ARID1B: variants seen among roughly 807,000 people sequenced by gnomAD.
ARID1B encodes AT-rich interaction domain 1B.
In ARID1B, 30 loss-of-function variants were observed where a neutral mutation model predicts 212.3. That is an observed-to-expected ratio of 0.14 (90% CI 0.11 to 0.19). ARID1B has a LOEUF of 0.19. Among genes scored for constraint, ARID1B ranks in the 10% least tolerant of loss-of-function variants. The probability of loss-of-function intolerance (pLI) is 1.00; values close to 1 mark genes in which losing one functional copy is unlikely to be tolerated. For synonymous variants in ARID1B, 1,402 were observed against 1,301.7 expected (o/e 1.08, Z -1.66); for missense variants, 2,891 against 3,204.0 (o/e 0.90, Z 2.36).
chr6:157,131,131 G>A (rs1176334970), intron 6 of ARID1B, among the ~76,000 whole-genome samples: 4 of 152,142 alleles, frequency 2.6e-5, no homozygotes, highest in African/African-American at 9.7e-5. Flanking sequence ...AAGCACCTAT[G>A]TGTCGTACTC....
At chr6:156,786,971 G>A (rs1181213637) in intron 1 of ARID1B, among the ~76,000 whole-genome samples, 1 of 149,968 alleles carries the variant, frequency 6.7e-6, no homozygotes, top group Non-Finnish European at 1.5e-5. Flanking sequence ...TTTCCGGTGG[G>A]GCAGTATATT....
At chr6:156,885,386 T>A (rs1787423807) in intron 2 of ARID1B, among the ~76,000 whole-genome samples, 1 of 152,228 alleles carries the variant, frequency 6.6e-6, no homozygotes, top group Non-Finnish European at 1.5e-5. Flanking sequence ...AAATGTATAG[T>A]TTAGAATGCC....
rs1311738943 is a variant in ARID1B at position 157,200,950 on chromosome 6, G to A, written c.4725G>A (p.Leu1575=). ...CGCCTCAGATGATGGGCGGCCCGCT[G>A]CAGTCGTCCTCCAGTGAGGGGCCTC... ...GIPPQMMGGP[L]QSSSSEGPQQ... Residue 1575 remains leucine (L), a synonymous_variant, in exon 18 of 20, where the codon CTG becomes CTA. Coordinates refer to ENST00000636930, the MANE Select transcript of ARID1B (RefSeq NM_001374828.1). The surrounding 1 kb of genome is among the most constrained non-coding windows in gnomAD (Gnocchi z 4.3). 6.2e-7 allele frequency: 1 copy of A among 1,614,030 alleles called. No individual in the cohort carries two copies. The highest frequency in any genetic ancestry group is 8.5e-7 in the Non-Finnish European group (1 of 1,179,984).
intron 2 of ARID1B, among the ~76,000 whole-genome samples, chr6:156,838,746 C>T (rs973670954): frequency 3.8e-4 from 45 of 116,924 alleles, no homozygotes; most frequent in Non-Finnish European, 5.6e-4. Flanking sequence ...CAAAAAAAAC[C>T]GCTCTAAGTA....
intron 4 of ARID1B, among the ~76,000 whole-genome samples, chr6:157,053,902 C>T (rs928023039): frequency 5.3e-5 from 8 of 151,416 alleles, no homozygotes; most frequent in African/African-American, 1.2e-4. Flanking sequence ...GGTGAAACCC[C>T]GTCTCTACTA....
intron 2 of ARID1B, among the ~76,000 whole-genome samples, chr6:156,876,831 T>C (rs1583199652): frequency 6.6e-6 from 1 of 152,160 alleles, no homozygotes; most frequent in African/African-American, 2.4e-5. Context: ...GACCCCTGAG[T>C]GTTCACAGAT....
intron 1 of ARID1B, among the ~76,000 whole-genome samples, chr6:156,797,809 T>C (rs1227350275): frequency 6.6e-6 from 1 of 152,206 alleles, no homozygotes; most frequent in Non-Finnish European, 1.5e-5. Context: ...CCAATGACAC[T>C]GCCCTGCGGA....
chr6:157,025,400 G>T (rs1281404031), intron 4 of ARID1B, among the ~76,000 whole-genome samples: 5 of 152,238 alleles, frequency 3.3e-5, no homozygotes, highest in African/African-American at 1.2e-4. Context: ...AGGCAGAACA[G>T]TATTCTAGTA....
At position 157,039,882 on chromosome 6, in the gene ARID1B, T is replaced by TCTTCCTTCCTTCCTTCCTTCCTTC. The variant is rs146558678; in HGVS notation, c.2248-44767_2248-44744dup. On this transcript the variant is annotated intron_variant, in intron 4 of 19. Transcript: ENST00000636930. ...TTTCTCTCTCTTTCTCTTTCTTTTC[T>TCTTCCTTCCTTCCTTCCTTCCTTC]CTTCCTTCCTTCCTTCCTTCCTTCC... Among the ~76,000 whole-genome samples the TCTTCCTTCCTTCCTTCCTTCCTTC allele has an allele frequency of 1.6e-3, 108 of 67,270 alleles. 1 individual carries two copies. Among genetic ancestry groups the TCTTCCTTCCTTCCTTCCTTCCTTC allele is most frequent in the African/African-American group, 5.6e-3 (103 of 18,436 alleles). 44.1% of individuals were successfully genotyped at this position (67,270 alleles called of 152,430 possible).
chr6:157,207,298 C>A lies in ARID1B; in HGVS notation c.6526C>A (p.Leu2176Met). ...CTGCTTGCCAATTTTGGATGGCTTGCTGCACTGGATGGTGTGCCCGTCTGC... is the reference window on the plus strand; with the variant it reads ...CTGCTTGCCAATTTTGGATGGCTTGATGCACTGGATGGTGTGCCCGTCTGC... Reference protein sequence around the residue: ...SICLPILDGLLHWMVCPSAEA... With the variant: ...SICLPILDGLMHWMVCPSAEA... Residue 2176 changes from leucine to methionine, a missense_variant, in exon 20 of 20, where the codon CTG becomes ATG. This residue lies in a region of ARID1B where 187 missense variants were observed against 306.5 expected (regional missense o/e 0.61). Coordinates refer to ENST00000636930, the MANE Select transcript of ARID1B (RefSeq NM_001374828.1). The surrounding 1 kb of genome is among the most constrained non-coding windows in gnomAD (Gnocchi z 8.5). The A allele has an allele frequency of 6.2e-7, 1 of 1,614,092 alleles. No homozygotes were observed. Among genetic ancestry groups the A allele is most frequent in the Non-Finnish European group, 8.5e-7 (1 of 1,179,968 alleles).
chr6:157,189,504 A>G (rs1399014037), intron 13 of ARID1B, 138 bp from the exon 14 acceptor site: 8 of 1,049,786 alleles, frequency 7.6e-6, no homozygotes, highest in Admixed American at 6.0e-5. Context: ...ATTATCAGCA[A>G]TGGCTATTGT....
intron 6 of ARID1B, among the ~76,000 whole-genome samples, chr6:157,126,529 CTG>C: frequency 6.6e-6 from 1 of 152,264 alleles, no homozygotes; most frequent in East Asian, 1.9e-4. Context: ...AGTTCGGTGA[CTG>C]TATGAGCATA....
At chr6:157,149,357 T>A (rs985218507) in intron 8 of ARID1B, 3 of 189,762 alleles carry the variant, frequency 1.6e-5, no homozygotes, top group African/African-American at 6.8e-5. Flanking sequence ...TCCCCACCTT[T>A]TTTTCACCCT....
intron 4 of ARID1B, among the ~76,000 whole-genome samples, chr6:156,965,198 T>C (rs1201851738): frequency 6.6e-6 from 1 of 152,236 alleles, no homozygotes; most frequent in Non-Finnish European, 1.5e-5. Context: ...ACACAGTTTT[T>C]TAAAGCTTCA....
intron 4 of ARID1B, among the ~76,000 whole-genome samples, chr6:157,077,834 C>T (rs930001547): frequency 3.3e-5 from 5 of 152,144 alleles, no homozygotes; most frequent in African/African-American, 1.2e-4. Flanking sequence ...CCTTTTTCTC[C>T]ACCTCCTCTC....
At chr6:157,043,977 TG>T (rs768194488) in intron 4 of ARID1B, among the ~76,000 whole-genome samples, 3 of 152,240 alleles carry the variant, frequency 2.0e-5, no homozygotes, top group Non-Finnish European at 4.4e-5. Context: ...ACGTGTTATT[TG>T]TCAAGTACCA....
chr6:157,183,039 C>G (rs961114262), intron 12 of ARID1B, among the ~76,000 whole-genome samples: 21 of 152,160 alleles, frequency 1.4e-4, no homozygotes, highest in African/African-American at 5.1e-4. Context: ...TCATGAGACT[C>G]TCCGCGGGCT....
chr6:157,065,264 C>T (rs1305214481), intron 4 of ARID1B, among the ~76,000 whole-genome samples: 1 of 152,124 alleles, frequency 6.6e-6, no homozygotes, highest in Non-Finnish European at 1.5e-5. Context: ...TGTGATACTA[C>T]TGAAGATAGT....
At chr6:156,872,628 A>AC (rs1786230895) in intron 2 of ARID1B, among the ~76,000 whole-genome samples, 1 of 152,074 alleles carries the variant, frequency 6.6e-6, no homozygotes, top group South Asian at 2.1e-4. Context: ...TCCTGGCCTA[A>AC]CCCATCGGTT....
Sources: allele counts gnomAD v4.1 joint callset (sites outside exome capture counted in the v4.1 genomes callset), GRCh38; gene constraint gnomAD v4.1.1; regional missense constraint gnomAD v4.1.1; non-coding constraint Gnocchi (gnomAD v3.1); transcripts MANE v1.5; gene names NCBI Gene and HGNC (gene_info 2026-07-23, HGNC 2026-07-21).